Variants in FHOD3 observed in about 807,000 individuals in gnomAD.
FHOD3 encodes FH1/FH2 domain-containing protein 3.
Under a neutral mutation model 173.0 loss-of-function variants are expected in FHOD3, and 90 were observed. The observed-to-expected ratio is 0.52, with a 90% confidence interval of 0.44 to 0.62. The LOEUF is 0.62. Among genes scored for constraint, FHOD3 ranks in the 20% least tolerant of loss-of-function variants. FHOD3 has a pLI of 0.00. For synonymous variants in FHOD3, 828 were observed against 823.0 expected, an observed-to-expected ratio of 1.01 and a Z score of -0.10; for missense variants, 1,945 against 2,034.7, an observed-to-expected ratio of 0.96 and a Z score of 0.85.
chr18:36,657,890 C>T (rs929257568), intron 13 of FHOD3, among the ~76,000 whole-genome samples, 185 bp from the exon 14 acceptor site: 2 of 152,156 alleles, frequency 1.3e-5, no homozygotes, highest in Admixed American at 6.5e-5. Flanking sequence ...GGAAACTCCT[C>T]TTATGAGAAA....
chr18:36,595,386 A>G (rs2030163337), intron 7 of FHOD3, among the ~76,000 whole-genome samples: 1 of 152,188 alleles, frequency 6.6e-6, no homozygotes, highest in Admixed American at 6.5e-5. Flanking sequence ...GGTCACATCC[A>G]AAACCTGCCA....
chr18:36,717,039 C>T (rs2040498554), intron 18 of FHOD3, among the ~76,000 whole-genome samples: 1 of 151,684 alleles, frequency 6.6e-6, no homozygotes, highest in Non-Finnish European at 1.5e-5. Flanking sequence ...GTTACTAATG[C>T]ACAAGTGGGC....
chr18:36,772,150 T>C (rs1000760697), intron 28 of FHOD3, among the ~76,000 whole-genome samples: 1 of 152,274 alleles, frequency 6.6e-6, no homozygotes, highest in Non-Finnish European at 1.5e-5. Context: ...TCTTTTTATT[T>C]AGCCAAACAC....
intron 1 of FHOD3, among the ~76,000 whole-genome samples, chr18:36,298,568 C>T (rs533327764): frequency 6.6e-6 from 1 of 152,220 alleles, no homozygotes; most frequent in South Asian, 2.1e-4. Flanking sequence ...GCCGGCCGCA[C>T]ACTGCGATAG....
chr18:36,737,620 C>G (rs905115999), intron 20 of FHOD3, among the ~76,000 whole-genome samples: 1 of 152,106 alleles, frequency 6.6e-6, no homozygotes, highest in Non-Finnish European at 1.5e-5. Context: ...GGCTCACCTT[C>G]GATAACTTTA....
intron 3 of FHOD3, among the ~76,000 whole-genome samples, chr18:36,401,622 C>T (rs1304591560): frequency 6.6e-6 from 1 of 152,204 alleles, no homozygotes; most frequent in Non-Finnish European, 1.5e-5. Context: ...TACTGCACCT[C>T]TCTGAGCCTC....
intron 15 of FHOD3, among the ~76,000 whole-genome samples, chr18:36,686,006 G>T (rs624705): frequency 0.46 from 70,106 of 151,920 alleles, 16,407 homozygotes; most frequent in East Asian, 0.65. Context: ...TGGATGTGGA[G>T]AAGGAATCCT....
intron 3 of FHOD3, among the ~76,000 whole-genome samples, chr18:36,488,572 T>C (rs555851154): frequency 1.3e-5 from 2 of 152,320 alleles, no homozygotes; most frequent in African/African-American, 4.8e-5. Flanking sequence ...AGGTATTTTT[T>C]AGAAATGTCA....
intron 10 of FHOD3, among the ~76,000 whole-genome samples, chr18:36,643,967 T>C (rs2035508723): frequency 6.6e-6 from 1 of 152,164 alleles, no homozygotes; most frequent in Non-Finnish European, 1.5e-5. Context: ...TTCCTTTTGG[T>C]GTTTGGAAGC....
intron 9 of FHOD3, among the ~76,000 whole-genome samples, chr18:36,616,361 A>C (rs1001797981): frequency 3.3e-5 from 5 of 152,190 alleles, no homozygotes; most frequent in Non-Finnish European, 7.3e-5. Flanking sequence ...ATCAGTGAAC[A>C]AACTGGGAGA....
chr18:36,778,229 C>G (rs549162809), intron 28 of FHOD3: 1 of 152,302 alleles, frequency 6.6e-6, no homozygotes, highest in Admixed American at 6.5e-5. Context: ...GAGGTGGGCC[C>G]TGGCCTCTGG....
intron 3 of FHOD3, among the ~76,000 whole-genome samples, chr18:36,500,011 GTATTAA>G (rs2054947691): frequency 6.6e-6 from 1 of 152,182 alleles, no homozygotes; most frequent in Non-Finnish European, 1.5e-5. Context: ...GCAGCAATAT[GTATTAA>G]GTTGTGAGTT....
chr18:36,616,867 C>T (rs2033249642), intron 9 of FHOD3, among the ~76,000 whole-genome samples: 1 of 152,202 alleles, frequency 6.6e-6, no homozygotes, highest in Non-Finnish European at 1.5e-5. Flanking sequence ...TATAGCCTAT[C>T]GAGGTGCAGA....
chr18:36,726,461 C>T (rs901957296), intron 19 of FHOD3, among the ~76,000 whole-genome samples: 3 of 152,088 alleles, frequency 2.0e-5, no homozygotes, highest in Admixed American at 6.6e-5. Flanking sequence ...ACCTCTGCCC[C>T]GTCACATCTC....
At chr18:36,649,179 G>GTTTT in intron 10 of FHOD3, 137 bp from the exon 11 acceptor site, 1 of 491,682 alleles carries the variant, frequency 2.0e-6, no homozygotes, top group Non-Finnish European at 3.5e-6. Context: ...CAGCTGGGTG[G>GTTTT]TTTTTTTTTT....
At position 36,625,708 on chromosome 18, in the gene FHOD3, T is replaced by A. The variant is rs764668810; in HGVS notation, c.1155T>A (p.Ala385=). ...SAPTSPCSQS[A]PSFKPNQVRD... ...CCACCAGTCCCTGCTCCCAGTCAGC[T>A]CCCAGCTTCAAGCCCAACCAAGTGC... Residue 385 remains alanine, a synonymous_variant, in exon 10 of 29, where the codon GCT becomes GCA. Coordinates refer to ENST00000590592, the MANE Select transcript of FHOD3 (RefSeq NM_001281740.3). The A allele has an allele frequency of 5.0e-6, 8 of 1,609,748 alleles. No homozygotes were observed. Among genetic ancestry groups the A allele is most frequent in the East Asian group, 4.5e-5 (2 of 44,524 alleles).
chr18:36,301,295 A>G (rs1347296229), intron 1 of FHOD3, among the ~76,000 whole-genome samples: 1 of 152,194 alleles, frequency 6.6e-6, no homozygotes, highest in African/African-American at 2.4e-5. Flanking sequence ...ATGATGTAGT[A>G]ACTTAGTTCA....
intron 3 of FHOD3, among the ~76,000 whole-genome samples, chr18:36,445,950 A>T (rs1268289967): frequency 1.3e-5 from 2 of 152,156 alleles, no homozygotes; most frequent in African/African-American, 4.8e-5. Context: ...CTACTCCAGG[A>T]TTCTCCAGGG....
At chr18:36,611,389 G>A (rs1272392667) in intron 8 of FHOD3, among the ~76,000 whole-genome samples, 2 of 152,160 alleles carry the variant, frequency 1.3e-5, no homozygotes, top group African/African-American at 4.8e-5. Flanking sequence ...GGCTGCAGCC[G>A]AGGTGTCGCC....
Sources: gnomAD v4.1 joint callset for allele counts (sites outside exome capture counted in the v4.1 genomes callset) on GRCh38, gnomAD v4.1.1 for gene constraint, MANE v1.5 for transcripts, NCBI Gene and HGNC (gene_info 2026-07-23, HGNC 2026-07-21) for gene names.